Variants in FXR1 observed in about 807,000 individuals in gnomAD.
FXR1 encodes RNA-binding protein FXR1.
FXR1 carries 15 observed loss-of-function variants against 84.0 expected under a neutral mutation model. The ratio of observed to expected loss-of-function variants is 0.18; its 90% CI spans 0.12 to 0.27. FXR1 has a LOEUF of 0.27. Among genes scored for constraint, FXR1 ranks in the 10% least tolerant of loss-of-function variants. The pLI, the probability that FXR1 is intolerant of heterozygous loss-of-function variation, is 1.00. For synonymous variants in FXR1, 245 were observed against 250.7 expected (o/e 0.98, Z 0.21); for missense variants, 480 against 774.4 (o/e 0.62, Z 4.51).
In FXR1 at chr3:180,968,031, A is replaced by G. The variant is rs1456423778; in HGVS notation, c.1199-20A>G. The G allele has an allele frequency of 4.6e-6, 7 of 1,505,468 alleles. No individual in the cohort carries two copies. The South Asian group carries it at 5.6e-5, about 12-fold the overall frequency. The allele number at this position is 1,505,468 out of a possible 1,614,324, so 93.3% of individuals were successfully genotyped here. On this transcript the variant is annotated intron_variant, in intron 13 of 16. Coordinates refer to ENST00000357559, the MANE Select transcript of FXR1 (RefSeq NM_005087.4). Reference sequence around the variant, plus strand: ...CTTTTTATAGAAATCTAAGTGGTTTATGTTCTTTTCTTTTCCAAGGTACAA... The same window carrying G: ...CTTTTTATAGAAATCTAAGTGGTTTGTGTTCTTTTCTTTTCCAAGGTACAA...
At chr3:180,956,716 A>G (rs1184373779) in intron 9 of FXR1, among the ~76,000 whole-genome samples, 1 of 151,858 alleles carries the variant, frequency 6.6e-6, no homozygotes, top group Non-Finnish European at 1.5e-5. Context: ...TAACATGTTC[A>G]ATTGCTGCTG....
At chr3:180,918,462 C>G (rs1718165630) in intron 1 of FXR1, among the ~76,000 whole-genome samples, 1 of 152,018 alleles carries the variant, frequency 6.6e-6, no homozygotes, top group Non-Finnish European at 1.5e-5. Context: ...TTCAAAGTAA[C>G]TTTTAGGATA....
intron 14 of FXR1, among the ~76,000 whole-genome samples, chr3:180,968,919 A>G (rs1170845515): frequency 6.6e-6 from 1 of 152,198 alleles, no homozygotes; most frequent in Non-Finnish European, 1.5e-5. Context: ...CCAGGGATAG[A>G]TACATAGACT....
chr3:180,927,176 T>G (rs1257613823), intron 1 of FXR1, among the ~76,000 whole-genome samples: 1 of 152,086 alleles, frequency 6.6e-6, no homozygotes, highest in African/African-American at 2.4e-5. Flanking sequence ...TTTTAGAGTT[T>G]AAAACTATAT....
At chr3:180,913,061 C>T (rs909670744) in intron 1 of FXR1, among the ~76,000 whole-genome samples, 1 of 151,924 alleles carries the variant, frequency 6.6e-6, no homozygotes, top group African/African-American at 2.4e-5. Context: ...CGGAGCAGGC[C>T]CGAGCTCTGG....
chr3:180,955,120 A>G (rs1444566336), intron 9 of FXR1, among the ~76,000 whole-genome samples: 1 of 150,850 alleles, frequency 6.6e-6, no homozygotes, highest in Non-Finnish European at 1.5e-5. Flanking sequence ...TCAGCCTCCC[A>G]AGTAGCTGGG....
intron 1 of FXR1, among the ~76,000 whole-genome samples, chr3:180,927,196 A>T (rs1805568): frequency 0.068 from 10,400 of 152,098 alleles, 1,028 homozygotes; most frequent in African/African-American, 0.22. Flanking sequence ...TGAATTGGCA[A>T]AAGTATTTCA....
Position 180,978,574 on chromosome 3 carries a change from C to T in FXR1, c.*2282C>T, listed in dbSNP as rs1228376236. On this transcript the variant is annotated 3_prime_UTR_variant, in exon 17 of 17. Coordinates refer to ENST00000357559, the MANE Select transcript of FXR1 (RefSeq NM_005087.4). Reference sequence around the variant, plus strand: ...GAAGAACTTGCCACTATACACTAAACAGACACTTAAGCAAAAGATGTATTC... The same window carrying T: ...GAAGAACTTGCCACTATACACTAAATAGACACTTAAGCAAAAGATGTATTC... 2 of 152,052 alleles carry T rather than the reference C, an allele frequency of 1.3e-5. No individual in the cohort carries two copies. Among genetic ancestry groups the T allele is most frequent in the Non-Finnish European group, 2.9e-5 (2 of 67,984 alleles). 9.4% of individuals were successfully genotyped at this position (152,052 alleles called of 1,614,324 possible).
At chr3:180,922,220 A>G (rs750049635) in intron 1 of FXR1, among the ~76,000 whole-genome samples, 3 of 152,160 alleles carry the variant, frequency 2.0e-5, no homozygotes, top group Non-Finnish European at 4.4e-5. Flanking sequence ...AAAACAAAAA[A>G]CTGTAATAAA....
chr3:180,943,203 G>T (rs1047425083), intron 3 of FXR1, among the ~76,000 whole-genome samples: 2 of 150,528 alleles, frequency 1.3e-5, no homozygotes, highest in Non-Finnish European at 2.9e-5. Context: ...CTGACCTCAG[G>T]TGATCCACCC....
In FXR1 at chr3:180,978,645, G is replaced by C. The variant is rs1348425256; in HGVS notation, c.*2353G>C. The C allele has an allele frequency of 6.6e-6, 1 of 152,044 alleles. No individual in the cohort carries two copies. The highest frequency in any genetic ancestry group is 1.5e-5 in the Non-Finnish European group (1 of 67,988). The allele number at this position is 152,044 out of a possible 1,614,324, so 9.4% of individuals were successfully genotyped here. ...TATGTCTTTGGTTCTAGCTACTCAG[G>C]AGCCTGAGGTGGGAGCATCATTTGA... On this transcript the variant is annotated 3_prime_UTR_variant, in exon 17 of 17. Transcript: ENST00000357559.
intron 3 of FXR1, among the ~76,000 whole-genome samples, chr3:180,936,563 T>TG (rs1199783160): frequency 6.6e-6 from 1 of 152,182 alleles, no homozygotes; most frequent in Non-Finnish European, 1.5e-5. Flanking sequence ...CCACCATACA[T>TG]GGCCTGATTT....
At position 180,978,824 on chromosome 3, in the gene FXR1, G is replaced by A. The variant is rs963249985; in HGVS notation, c.*2532G>A. 6.6e-6 allele frequency: 1 copy of A among 152,182 alleles called. No individual in the cohort carries two copies. The highest frequency in any genetic ancestry group is 1.5e-5 in the Non-Finnish European group (1 of 67,966). 9.4% of individuals were successfully genotyped at this position (152,182 alleles called of 1,614,324 possible). A position where few individuals can be genotyped will look rare whatever the true frequency, so the allele number is the denominator to read the frequency against. On this transcript the variant is annotated 3_prime_UTR_variant, in exon 17 of 17. Coordinates refer to ENST00000357559, the MANE Select transcript of FXR1 (RefSeq NM_005087.4). The stretch of plus-strand genomic sequence containing the variant: ...ATGAAGTAACAGCTGAGATTATATG[G>A]TGGCAAAAATGACCTGCTTTTCCTG...
chr3:180,936,845 A>G (rs1043055408), intron 3 of FXR1, among the ~76,000 whole-genome samples: 10 of 152,222 alleles, frequency 6.6e-5, no homozygotes, highest in Non-Finnish European at 1.2e-4. Context: ...GAATTTTTAA[A>G]TGGCAGTAAG....
intron 8 of FXR1, among the ~76,000 whole-genome samples, chr3:180,952,104 T>A (rs1722283844): frequency 6.6e-6 from 1 of 152,154 alleles, no homozygotes; most frequent in Non-Finnish European, 1.5e-5. Context: ...ATTGAGACCA[T>A]CCTTCAAATT....
chr3:180,952,299 A>G (rs991523295), intron 8 of FXR1, among the ~76,000 whole-genome samples: 1 of 152,094 alleles, frequency 6.6e-6, no homozygotes, highest in Non-Finnish European at 1.5e-5. Flanking sequence ...TTGACTTTTC[A>G]TACATAGCTC....
At chr3:180,918,064 T>G (rs1718122033) in intron 1 of FXR1, among the ~76,000 whole-genome samples, 1 of 151,662 alleles carries the variant, frequency 6.6e-6, no homozygotes, top group Non-Finnish European at 1.5e-5. Context: ...GAAAAGCACA[T>G]CTTACCTATC....
In FXR1 at chr3:180,979,741, T is replaced by C. The variant is rs1389263097; in HGVS notation, c.*3449T>C. On this transcript the variant is annotated 3_prime_UTR_variant, in exon 17 of 17. Coordinates refer to ENST00000357559, the MANE Select transcript of FXR1 (RefSeq NM_005087.4). The stretch of plus-strand genomic sequence containing the variant: ...TAAAACTGATTTAAGTCCATTACAC[T>C]GAACAGTAGGAAATTACCACTTTTG... 6.6e-6 allele frequency: 1 copy of C among 152,072 alleles called. No homozygotes were observed. The highest frequency in any genetic ancestry group is 1.5e-5 in the Non-Finnish European group (1 of 67,964). The allele number at this position is 152,072 out of a possible 1,614,324, so 9.4% of individuals were successfully genotyped here.
Position 180,981,382 on chromosome 3 carries a change from ACT to A in FXR1, c.*5094_*5095del, listed in dbSNP as rs908259567. On this transcript the variant is annotated 3_prime_UTR_variant, in exon 17 of 17. Transcript: ENST00000357559. Reference sequence around the variant, plus strand: ...TTTCCATTTAAATGTTTCCGTAAGTACTCTCATCATTTGGAAAATACTTGATG... The same window carrying A: ...TTTCCATTTAAATGTTTCCGTAAGTACTCATCATTTGGAAAATACTTGATG... The A allele has an allele frequency of 4.6e-5, 7 of 151,914 alleles. No homozygotes were observed. Among genetic ancestry groups the A allele is most frequent in the Admixed American group, 6.6e-5 (1 of 15,228 alleles). 9.4% of individuals were successfully genotyped at this position (151,914 alleles called of 1,614,324 possible).
Sources: allele counts gnomAD v4.1 joint callset (sites outside exome capture counted in the v4.1 genomes callset), GRCh38; gene constraint gnomAD v4.1.1; transcripts MANE v1.5; gene names NCBI Gene and HGNC (gene_info 2026-07-23, HGNC 2026-07-21).